UGGT2: variants seen among roughly 807,000 people sequenced by gnomAD.
The protein encoded by UGGT2 is UDP-glucose glycoprotein glucosyltransferase 2.
UGGT2 carries 180 observed loss-of-function variants against 192.1 expected under a neutral mutation model. That is an observed-to-expected ratio of 0.94 (90% CI 0.83 to 1.06). The LOEUF is 1.06. Among genes scored for constraint, UGGT2 ranks in the 50% least tolerant of loss-of-function variants. The probability of loss-of-function intolerance (pLI) is 0.00; values close to 1 mark genes in which losing one functional copy is unlikely to be tolerated. For synonymous variants in UGGT2, 580 were observed against 591.0 expected (o/e 0.98, Z 0.27); for missense variants, 1,849 against 1,795.7 (o/e 1.03, Z -0.54).
At chr13:95,944,957 T>C (rs528819732) in intron 15 of UGGT2, among the ~76,000 whole-genome samples, 1 of 152,150 alleles carries the variant, frequency 6.6e-6, no homozygotes, top group Non-Finnish European at 1.5e-5. Flanking sequence ...AATTTTGTAT[T>C]GTATATTTTG....
intron 4 of UGGT2, 45 bp downstream of exon 4, chr13:96,022,992 TCTC>T (rs2052559690): frequency 2.2e-6 from 3 of 1,361,976 alleles, no homozygotes; most frequent in Admixed American, 2.4e-5. Flanking sequence ...GCTATTGAAC[TCTC>T]CTCTCTATAA....
At chr13:96,033,440 C>T (rs2052901334) in intron 1 of UGGT2, among the ~76,000 whole-genome samples, 1 of 152,066 alleles carries the variant, frequency 6.6e-6, no homozygotes, top group African/African-American at 2.4e-5. Context: ...ACCCGGACAT[C>T]CCTGTGCTTT....
At chr13:96,033,577 G>A (rs1336623410) in intron 1 of UGGT2, among the ~76,000 whole-genome samples, 1 of 152,164 alleles carries the variant, frequency 6.6e-6, no homozygotes, top group Non-Finnish European at 1.5e-5. Context: ...TGCACTCTCA[G>A]GGGCCTGCAA....
intron 15 of UGGT2, among the ~76,000 whole-genome samples, chr13:95,942,222 GTGT>G (rs1260236730): frequency 2.5e-5 from 2 of 78,450 alleles, no homozygotes; most frequent in African/African-American, 1.1e-4. Context: ...TAGGGTGAGG[GTGT>G]GTGTGTGTGT....
chr13:96,031,412 C>T (rs950922271), intron 2 of UGGT2, among the ~76,000 whole-genome samples: 9 of 152,136 alleles, frequency 5.9e-5, no homozygotes, highest in Non-Finnish European at 1.0e-4. Context: ...TCAAGTGATC[C>T]TCCACCTCAG....
intron 38 of UGGT2, among the ~76,000 whole-genome samples, chr13:95,813,296 T>C (rs1339194499): frequency 6.6e-6 from 1 of 152,078 alleles, no homozygotes; most frequent in African/African-American, 2.4e-5. Context: ...ATATGGACAG[T>C]GAAGTGAGCT....
chr13:95,822,048 CTTT>C (rs1885564917), intron 38 of UGGT2, among the ~76,000 whole-genome samples: 1 of 151,920 alleles, frequency 6.6e-6, no homozygotes, highest in Non-Finnish European at 1.5e-5. Flanking sequence ...TATTCAGGCT[CTTT>C]TTTTGGTTCC....
chr13:95,971,573 C>T (rs2050774573), intron 11 of UGGT2, among the ~76,000 whole-genome samples: 1 of 152,152 alleles, frequency 6.6e-6, no homozygotes, highest in Non-Finnish European at 1.5e-5. Context: ...CATACACTAC[C>T]TTAGAAAACT....
At chr13:96,009,396 T>A (rs755612591) in intron 5 of UGGT2, among the ~76,000 whole-genome samples, 9 of 152,084 alleles carry the variant, frequency 5.9e-5, no homozygotes, top group Admixed American at 5.2e-4. Flanking sequence ...ATCAACAGAG[T>A]AAACACGCAA....
intron 29 of UGGT2, among the ~76,000 whole-genome samples, chr13:95,876,135 CT>C (rs1891655809): frequency 1.3e-5 from 2 of 152,024 alleles, no homozygotes; most frequent in Non-Finnish European, 2.9e-5. Flanking sequence ...CTTTTGGCTC[CT>C]TACCAAAAAA....
At chr13:95,933,375 A>C (rs944663033) in intron 17 of UGGT2, among the ~76,000 whole-genome samples, 1 of 152,068 alleles carries the variant, frequency 6.6e-6, no homozygotes, top group Non-Finnish European at 1.5e-5. Context: ...TCTTCTGAGG[A>C]TCTTCTGTAT....
intron 1 of UGGT2, among the ~76,000 whole-genome samples, chr13:96,042,484 C>T (rs2053193457): frequency 6.6e-6 from 1 of 152,098 alleles, no homozygotes. Flanking sequence ...AAAAATCACA[C>T]TCGCTCACCA....
At chr13:95,968,016 T>C (rs2050644132) in intron 12 of UGGT2, among the ~76,000 whole-genome samples, 2 of 152,280 alleles carry the variant, frequency 1.3e-5, no homozygotes, top group South Asian at 4.1e-4. Context: ...GGAGTTTCAG[T>C]TATACAATCT....
At chr13:95,867,905 T>C (rs988609123) in intron 29 of UGGT2, among the ~76,000 whole-genome samples, 1 of 152,198 alleles carries the variant, frequency 6.6e-6, no homozygotes, top group African/African-American at 2.4e-5. Flanking sequence ...ACTGAAAATG[T>C]GTCTATGATG....
chr13:96,037,791 C>T (rs1463148839), intron 1 of UGGT2, among the ~76,000 whole-genome samples: 1 of 152,246 alleles, frequency 6.6e-6, no homozygotes, highest in East Asian at 1.9e-4. Flanking sequence ...TCCACACTTA[C>T]TCTTCTCAAC....
At chr13:95,909,566 C>A (rs2048408110) in intron 20 of UGGT2, among the ~76,000 whole-genome samples, 1 of 122,334 alleles carries the variant, frequency 8.2e-6, no homozygotes, top group Non-Finnish European at 1.6e-5. Flanking sequence ...ATCACGTGGA[C>A]ACAGGAAGGG....
chr13:95,925,784 TCAAA>T lies in UGGT2; in HGVS notation c.2201-14_2201-11del, dbSNP rs777124670. 1.2e-5 allele frequency: 19 copies of T among 1,522,146 alleles called. No individual in the cohort carries two copies. The highest frequency in any genetic ancestry group is 1.1e-4 in the South Asian group (8 of 73,100). The allele number at this position is 1,522,146 out of a possible 1,614,324, so 94.3% of individuals were successfully genotyped here. A position where few individuals can be genotyped will look rare whatever the true frequency, so the allele number is the denominator to read the frequency against. ...GAAATTATACTCTCATCTGAAAGTTTCAAACAGTTTACTCAAATTAACTTTTTTT... is the reference window on the plus strand; with the variant it reads ...GAAATTATACTCTCATCTGAAAGTTTCAGTTTACTCAAATTAACTTTTTTT... On this transcript the variant is annotated splice_polypyrimidine_tract_variant and intron_variant, in intron 19 of 38. Coordinates refer to ENST00000376747, the MANE Select transcript of UGGT2 (RefSeq NM_020121.4).
chr13:95,847,169 C>T (rs1461760738), intron 36 of UGGT2, among the ~76,000 whole-genome samples: 1 of 144,336 alleles, frequency 6.9e-6, no homozygotes, highest in Non-Finnish European at 1.5e-5. Context: ...TTTTTAGGTT[C>T]ACAGCCAAAT....
intron 10 of UGGT2, among the ~76,000 whole-genome samples, chr13:95,978,593 T>C (rs574109): frequency 0.97 from 147,912 of 152,276 alleles, 71,990 homozygotes; most frequent in East Asian, 1. Flanking sequence ...CTCAAGAAAT[T>C]TTTGCATAGA....
Sources: gnomAD v4.1 joint callset for allele counts (sites outside exome capture counted in the v4.1 genomes callset) on GRCh38, gnomAD v4.1.1 for gene constraint, MANE v1.5 for transcripts, NCBI Gene and HGNC (gene_info 2026-07-23, HGNC 2026-07-21) for gene names.